Variants in KCNT1 observed in about 807,000 individuals in gnomAD.
KCNT1 encodes the protein potassium channel subfamily T member 1.
Under a neutral mutation model 147.8 loss-of-function variants are expected in KCNT1, and 78 were observed. The ratio of observed to expected loss-of-function variants is 0.53; its 90% CI spans 0.44 to 0.64. The LOEUF is 0.64. KCNT1 is among the 30% of genes least tolerant of loss of function. The pLI is 0.00. For missense variants in KCNT1, 1,419 were observed against 1,750.3 expected, an observed-to-expected ratio of 0.81 and a Z score of 3.38; for synonymous variants, 867 against 748.8, an observed-to-expected ratio of 1.16 and a Z score of -2.58.
rs186205023 is a variant in KCNT1, at chr9:135,785,458, C to T, written c.3177+128C>T. 3.8e-4 allele frequency: 443 copies of T among 1,178,806 alleles called. 1 individual carries two copies. In the African/African-American group the frequency reaches 6.2e-3, roughly 17 times the overall value. 73.0% of individuals were successfully genotyped at this position (1,178,806 alleles called of 1,614,324 possible). ...GGCCCTGGGAAAGCCGAGGCAGGAG[C>T]GGGTCCCACGGATGTGTCGGCCCCA... On this transcript the variant is annotated intron_variant, in intron 28 of 30. Coordinates refer to ENST00000371757, the MANE Select transcript of KCNT1 (RefSeq NM_020822.3).
chr9:135,785,750 G>A, intron 28 of KCNT1: 1 of 444,300 alleles, frequency 2.3e-6, no homozygotes, highest in Non-Finnish European at 4.1e-6. Flanking sequence ...CGTTCCCCAG[G>A]TTCGGGGCCT....
Position 135,792,125 on chromosome 9 carries a change from C to T in KCNT1, c.3672C>T (p.Ser1224=). The T allele has an allele frequency of 6.2e-7, 1 of 1,606,132 alleles. No individual in the cohort carries two copies. The highest frequency in any genetic ancestry group is 8.5e-7 in the Non-Finnish European group (1 of 1,179,612). The change falls in exon 31 of 31, where the codon TCC becomes TCT. Residue 1224 remains serine (S), a synonymous_variant. Transcript: ENST00000371757. ...RKSSCSHKLS[S]CNPETRDETQ... is the part of the protein sequence containing the mutation. ...GCAGCTGCAGCCACAAGCTGTCGTC[C>T]TGCAACCCCGAGACTCGCGACGAGA...
intron 2 of KCNT1, among the ~76,000 whole-genome samples, chr9:135,735,437 G>T (rs368926183): frequency 1.2e-4 from 18 of 152,162 alleles, no homozygotes; most frequent in African/African-American, 4.1e-4. Context: ...GGGACCTGCC[G>T]CTGGAGTTTT....
At chr9:135,706,969 C>T (rs1835281550) in intron 1 of KCNT1, among the ~76,000 whole-genome samples, 1 of 151,806 alleles carries the variant, frequency 6.6e-6, no homozygotes, top group Non-Finnish European at 1.5e-5. Flanking sequence ...GGAAATGAAG[C>T]CTCACTTGTG....
At chr9:135,712,628 A>G (rs558489151) in intron 1 of KCNT1, among the ~76,000 whole-genome samples, 1 of 152,254 alleles carries the variant, frequency 6.6e-6, no homozygotes, top group East Asian at 1.9e-4. Flanking sequence ...CCCCGAGGAC[A>G]CGGGGAGCAG....
chr9:135,735,534 G>T (rs1830301361), intron 2 of KCNT1, among the ~76,000 whole-genome samples: 1 of 152,166 alleles, frequency 6.6e-6, no homozygotes. Context: ...TCCAGCCAAG[G>T]GTGGGGGGAT....
At chr9:135,757,416 G>C (rs573657637) in intron 9 of KCNT1, 35 bp downstream of exon 9, 25 of 1,579,516 alleles carry the variant, frequency 1.6e-5, no homozygotes, top group African/African-American at 5.4e-5. Context: ...TGGGACTTGG[G>C]GGGGCCACCC....
Position 135,775,361 on chromosome 9 carries a change from C to T in KCNT1, c.2295C>T (p.Thr765=), listed in dbSNP as rs765278495. Residue 765 remains threonine (T), a synonymous_variant, in exon 20 of 31, where the codon ACC becomes ACT. Coordinates refer to ENST00000371757, the MANE Select transcript of KCNT1 (RefSeq NM_020822.3). ...CGCCCTACATCGGCAGCTCCCCAAC[C>T]CTGTGCCACCTCCTGCCTGTGAAAG... ...PNSPYIGSSP[T]LCHLLPVKAP... The T allele has an allele frequency of 3.1e-6, 5 of 1,611,166 alleles. No homozygotes were observed. The South Asian group carries it at 4.4e-5, about 14-fold the overall frequency.
intron 29 of KCNT1, chr9:135,791,151 A>AGCGAG (rs1339707169): frequency 2.6e-5 from 4 of 152,622 alleles, no homozygotes; most frequent in Non-Finnish European, 4.4e-5. Flanking sequence ...GGCTGAGCAC[A>AGCGAG]GCGAGTGGGA....
chr9:135,785,572 G>A, intron 28 of KCNT1: 1 of 633,622 alleles, frequency 1.6e-6, no homozygotes. Context: ...CTGTGAGTTT[G>A]GACACCAGGT....
chr9:135,742,279 G>A (rs1830604128), intron 2 of KCNT1, among the ~76,000 whole-genome samples: 2 of 152,244 alleles, frequency 1.3e-5, no homozygotes, highest in South Asian at 2.1e-4. Flanking sequence ...ACCTCGGCAT[G>A]AGGTGGAGCT....
At chr9:135,769,836 G>C (rs555280867) in intron 15 of KCNT1, 111 bp from the exon 16 acceptor site, 9 of 724,816 alleles carry the variant, frequency 1.2e-5, no homozygotes, top group Admixed American at 6.7e-5. Flanking sequence ...AGACACGGGG[G>C]TGCCAGGCAA....
rs767894239 is a variant in KCNT1, at chr9:135,750,152, G to T, written c.309G>T (p.Leu103=). 1.7e-5 allele frequency: 27 copies of T among 1,613,744 alleles called. No homozygotes were observed. The Admixed American group carries it at 3.0e-4, about 18-fold the overall frequency. ...NENTFKERLK[L]FFIKNQRSSL... is the part of the protein sequence containing the mutation. Reference sequence around the variant, plus strand: ...ACACCTTCAAGGAGCGGCTCAAGCTGTTCTTCATCAAAAACCAAAGATCGA... The same window carrying T: ...ACACCTTCAAGGAGCGGCTCAAGCTTTTCTTCATCAAAAACCAAAGATCGA... The change falls in exon 3 of 31, where the codon CTG becomes CTT. Residue 103 remains leucine (L), a synonymous_variant. Transcript: ENST00000371757.
At chr9:135,736,337 A>G (rs1018839696) in intron 2 of KCNT1, among the ~76,000 whole-genome samples, 3 of 152,036 alleles carry the variant, frequency 2.0e-5, no homozygotes, top group African/African-American at 7.2e-5. Context: ...GCCCAGGGCC[A>G]CCAGCCCTCG....
chr9:135,707,714 C>T (rs918832239), intron 1 of KCNT1, among the ~76,000 whole-genome samples: 8 of 152,220 alleles, frequency 5.3e-5, no homozygotes, highest in Non-Finnish European at 1.2e-4. Flanking sequence ...CCCCGACAAC[C>T]TTGGGCACGG....
intron 2 of KCNT1, among the ~76,000 whole-genome samples, chr9:135,727,624 C>T (rs1836273670): frequency 6.6e-6 from 1 of 152,114 alleles, no homozygotes; most frequent in African/African-American, 2.4e-5. Context: ...TACTGTTGTG[C>T]CTTTGAAGGG....
rs540883819 is a variant in KCNT1 at position 135,768,054 on chromosome 9, G to A, written c.1338-556G>A. 5.8e-3 allele frequency among the ~76,000 whole-genome samples: 871 copies of A among 149,842 alleles called. 5 individuals are homozygous for A. Among genetic ancestry groups the A allele is most frequent in the African/African-American group, 0.021 (841 of 40,920 alleles). The stretch of plus-strand genomic sequence containing the variant: ...GCTGTCAGCCTGCACACGCTCAGGG[G>A]ACAGGTGTGGCTCCTGAACCCTGCC... On this transcript the variant is annotated intron_variant, in intron 13 of 30. Transcript: ENST00000371757.
At chr9:135,705,458 C>T (rs1299054709) in intron 1 of KCNT1, among the ~76,000 whole-genome samples, 2 of 152,258 alleles carry the variant, frequency 1.3e-5, no homozygotes, top group Admixed American at 6.5e-5. Context: ...CAGGCAGGCG[C>T]ACCGTGGGCA....
chr9:135,770,273 C>CCCCTGGCCCCG lies in KCNT1; in HGVS notation c.1620-15_1620-5dup, dbSNP rs761464076. 2.1e-4 allele frequency: 322 copies of CCCCTGGCCCCG among 1,567,708 alleles called. No homozygotes were observed. The highest frequency in any genetic ancestry group is 2.6e-4 in the African/African-American group (19 of 73,758). Reference sequence around the variant, plus strand: ...GGCAGCCATGGCCGAGGGTGACGCTCCCCTGGCCCCGCCCTGGCCCACAGG... The same window carrying CCCCTGGCCCCG: ...GGCAGCCATGGCCGAGGGTGACGCTCCCCTGGCCCCGCCCTGGCCCCGCCCTGGCCCACAGG... On this transcript the variant is annotated intron_variant, in intron 16 of 30. Transcript: ENST00000371757.
Sources: gnomAD v4.1 joint callset for allele counts (sites outside exome capture counted in the v4.1 genomes callset) on GRCh38, gnomAD v4.1.1 for gene constraint, MANE v1.5 for transcripts, NCBI Gene and HGNC (gene_info 2026-07-23, HGNC 2026-07-21) for gene names.